The following ABCA12 variants were observed in gnomAD, a reference collection of about 807,000 sequenced individuals.
The protein encoded by ABCA12 is glucosylceramide transporter ABCA12.
A neutral mutation model predicts 293.5 loss-of-function variants in ABCA12; 156 were observed. The observed-to-expected ratio is 0.53, with a 90% confidence interval of 0.47 to 0.61. ABCA12 has a LOEUF of 0.61. ABCA12 is among the 20% of genes least tolerant of loss of function. The pLI is 0.00. For synonymous variants in ABCA12, 1,063 were observed against 1,108.0 expected, an observed-to-expected ratio of 0.96 and a Z score of 0.81; for missense variants, 2,797 against 3,090.2, an observed-to-expected ratio of 0.91 and a Z score of 2.25.
intron 2 of ABCA12, among the ~76,000 whole-genome samples, chr2:215,099,769 G>C (rs1200472018): frequency 1.3e-5 from 2 of 151,898 alleles, no homozygotes; most frequent in Admixed American, 1.3e-4. Context: ...ACTAAGTTTT[G>C]AGGGGCAATT....
rs143305915 is a variant in ABCA12 at position 214,934,110 on chromosome 2, T to C, written c.7648A>G (p.Asn2550Asp). The C allele has an allele frequency of 5.6e-6, 9 of 1,613,600 alleles. No individual in the cohort carries two copies. Among genetic ancestry groups the C allele is most frequent in the Middle Eastern group, 1.6e-4 (1 of 6,080 alleles). ...ETNKTALNIT[N>D]FLVSQTTLEE... ...AGAGTGGTCTGACTCACTAAGAAAT[T>C]TGTAATATTTAAAGCAGTCTTGTTG... Residue 2550 changes from asparagine to aspartate, a missense_variant, in exon 52 of 53, where the codon AAT becomes GAT. Around this residue, in one of 3 missense-constraint regions of ABCA12, gnomAD observed 2,130 missense variants for 2,427.0 expected, o/e 0.88. Transcript: ENST00000272895.
intron 2 of ABCA12, among the ~76,000 whole-genome samples, chr2:215,069,787 G>A (rs1184546101): frequency 6.6e-6 from 1 of 152,094 alleles, no homozygotes; most frequent in African/African-American, 2.4e-5. Context: ...TTCAGCCTAG[G>A]GCTGAAAACC....
intron 1 of ABCA12, among the ~76,000 whole-genome samples, chr2:215,118,315 T>A (rs1702728425): frequency 6.6e-6 from 1 of 152,082 alleles, no homozygotes; most frequent in Non-Finnish European, 1.5e-5. Context: ...GGCAGAAGAA[T>A]CATTTGAACC....
intron 6 of ABCA12, among the ~76,000 whole-genome samples, chr2:215,048,335 T>C (rs1701244668): frequency 6.6e-6 from 1 of 152,006 alleles, no homozygotes; most frequent in South Asian, 2.1e-4. Flanking sequence ...CAGCAGAATA[T>C]AAATTATCCT....
At chr2:215,100,115 A>G (rs1702327082) in intron 2 of ABCA12, among the ~76,000 whole-genome samples, 1 of 151,918 alleles carries the variant, frequency 6.6e-6, no homozygotes, top group Non-Finnish European at 1.5e-5. Flanking sequence ...CCCAGGCTCA[A>G]GTGATCTTCC....
chr2:214,992,462 G>GAAAAAAAAAAAAAAAA (rs35911401), intron 23 of ABCA12, among the ~76,000 whole-genome samples: 3 of 77,356 alleles, frequency 3.9e-5, no homozygotes, highest in African/African-American at 5.5e-5. Context: ...AAAAAAAAAT[G>GAAAAAAAAAAAAAAAA]AAAAAAAAAA....
intron 2 of ABCA12, among the ~76,000 whole-genome samples, chr2:215,095,052 C>T (rs561787790): frequency 2.0e-5 from 3 of 152,166 alleles, no homozygotes; most frequent in African/African-American, 7.2e-5. Context: ...GCCCTGTCCC[C>T]CTCATGACAG....
At chr2:215,018,227 C>T (rs1415256140) in intron 13 of ABCA12, 95 bp from the exon 14 acceptor site, 1 of 1,490,138 alleles carries the variant, frequency 6.7e-7, no homozygotes, top group African/African-American at 1.4e-5. Context: ...TAGACTAAGA[C>T]ATACGTGCCT....
At chr2:215,030,462 G>A (rs1430170850) in intron 9 of ABCA12, among the ~76,000 whole-genome samples, 3 of 151,952 alleles carry the variant, frequency 2.0e-5, no homozygotes, top group Non-Finnish European at 2.9e-5. Context: ...AAATTAGCCA[G>A]GCGTGGTGGC....
At position 215,138,448 on chromosome 2, in the gene ABCA12, A is replaced by G; in HGVS notation, c.-240T>C. On this transcript the variant is annotated 5_prime_UTR_variant, in exon 1 of 53. Transcript: ENST00000272895. ...CTCTTCTTCCAAAAGAAGGACCCAG[A>G]TCAGTATCTTTGGGTGGCTTATGCT... 1 of 558,506 alleles carries G rather than the reference A, an allele frequency of 1.8e-6. No homozygotes were observed. Among genetic ancestry groups the G allele is most frequent in the South Asian group, 2.0e-5 (1 of 49,474 alleles). 34.6% of individuals were successfully genotyped at this position (558,506 alleles called of 1,614,324 possible). A position where few individuals can be genotyped will look rare whatever the true frequency, so the allele number is the denominator to read the frequency against.
intron 22 of ABCA12, among the ~76,000 whole-genome samples, chr2:214,998,212 A>G (rs1476969940): frequency 4.6e-5 from 7 of 152,242 alleles, no homozygotes; most frequent in African/African-American, 7.2e-5. Context: ...ACTAAAAGCT[A>G]TATCTTCCAA....
intron 48 of ABCA12, among the ~76,000 whole-genome samples, chr2:214,945,607 A>T (rs954537560): frequency 6.6e-6 from 1 of 152,174 alleles, no homozygotes; most frequent in African/African-American, 2.4e-5. Flanking sequence ...TAAAAACAAG[A>T]TTTGTAGAAA....
chr2:215,085,572 G>A (rs1702023895), intron 2 of ABCA12: 1 of 152,142 alleles, frequency 6.6e-6, no homozygotes, highest in African/African-American at 2.4e-5. Context: ...TTTATAATGG[G>A]ATTTATTTCA....
At chr2:215,130,473 A>AT (rs1417393440) in intron 1 of ABCA12, among the ~76,000 whole-genome samples, 1 of 151,934 alleles carries the variant, frequency 6.6e-6, no homozygotes. Context: ...ATGTCTAGGT[A>AT]TTTTTTGTGC....
chr2:215,078,082 A>G (rs1379304626), intron 2 of ABCA12, among the ~76,000 whole-genome samples: 1 of 152,152 alleles, frequency 6.6e-6, no homozygotes, highest in African/African-American at 2.4e-5. Context: ...AATTTGCTCA[A>G]CTCCTGATGT....
chr2:215,005,676 C>G (rs1700238021), intron 19 of ABCA12, among the ~76,000 whole-genome samples: 1 of 152,086 alleles, frequency 6.6e-6, no homozygotes. Context: ...TCCATTAAAC[C>G]CTATTTCAAT....
intron 11 of ABCA12, 62 bp from the exon 12 acceptor site, chr2:215,019,858 T>C: frequency 6.3e-7 from 1 of 1,576,974 alleles, no homozygotes; most frequent in South Asian, 1.1e-5. Flanking sequence ...TATATAGTAG[T>C]TGATAATAAG....
intron 51 of ABCA12, among the ~76,000 whole-genome samples, chr2:214,936,631 G>A (rs749946537): frequency 3.4e-4 from 51 of 152,164 alleles, no homozygotes; most frequent in Non-Finnish European, 3.2e-4. Flanking sequence ...ATATATCTGT[G>A]TGTGTCCATC....
intron 13 of ABCA12, 120 bp from the exon 14 acceptor site, chr2:215,018,252 G>A (rs1700550102): frequency 3.1e-6 from 4 of 1,291,402 alleles, no homozygotes; most frequent in Non-Finnish European, 4.3e-6. Context: ...AGGGGCAGAT[G>A]TCTCCCAGTT....
Sources: allele counts gnomAD v4.1 joint callset (sites outside exome capture counted in the v4.1 genomes callset), GRCh38; gene constraint gnomAD v4.1.1; regional missense constraint gnomAD v4.1.1; transcripts MANE v1.5; gene names NCBI Gene and HGNC (gene_info 2026-07-23, HGNC 2026-07-21).